Variants in GPC6 observed in about 807,000 individuals in gnomAD.
The protein encoded by GPC6 is glypican-6.
A neutral mutation model predicts 55.2 loss-of-function variants in GPC6; 14 were observed. The ratio of observed to expected loss-of-function variants is 0.25; its 90% confidence interval spans 0.17 to 0.40. The LOEUF (loss-of-function observed/expected upper bound fraction) is 0.40, where lower values mean the gene tolerates loss of function less well. Ranked by LOEUF, GPC6 falls within the 10% of genes least tolerant of loss-of-function variation. The probability of loss-of-function intolerance (pLI) is 1.00; values close to 1 mark genes in which losing one functional copy is unlikely to be tolerated. For synonymous variants in GPC6, 278 were observed against 259.6 expected, an observed-to-expected ratio of 1.07 and a Z score of -0.68; for missense variants, 641 against 708.5, an observed-to-expected ratio of 0.90 and a Z score of 1.08.
At chr13:94,090,526 T>C (rs984628601) in intron 4 of GPC6, among the ~76,000 whole-genome samples, 1 of 152,146 alleles carries the variant, frequency 6.6e-6, no homozygotes, top group African/African-American at 2.4e-5. Flanking sequence ...CCTTCATGCT[T>C]TATAAACTGG....
intron 1 of GPC6, among the ~76,000 whole-genome samples, chr13:93,245,056 C>G (rs981369814): frequency 6.6e-6 from 1 of 152,176 alleles, no homozygotes; most frequent in Non-Finnish European, 1.5e-5. Flanking sequence ...TCCAGTATTT[C>G]TCAACCCTGG....
At chr13:94,066,702 G>C (rs1239957455) in intron 4 of GPC6, among the ~76,000 whole-genome samples, 1 of 152,176 alleles carries the variant, frequency 6.6e-6, no homozygotes, top group Non-Finnish European at 1.5e-5. Context: ...AGTTTTGAGT[G>C]TCTCTCCTAT....
intron 2 of GPC6, among the ~76,000 whole-genome samples, chr13:93,642,930 T>C (rs1324497674): frequency 1.3e-5 from 2 of 152,104 alleles, no homozygotes; most frequent in African/African-American, 2.4e-5. Context: ...AATATTTACT[T>C]GCCAAGTAAA....
At chr13:94,288,074 G>A (rs1403316164) in intron 5 of GPC6, among the ~76,000 whole-genome samples, 1 of 151,950 alleles carries the variant, frequency 6.6e-6, no homozygotes, top group East Asian at 1.9e-4. Flanking sequence ...CTTTGTACTG[G>A]GGACAGGAGT....
At chr13:94,116,207 G>A (rs1390702137) in intron 4 of GPC6, among the ~76,000 whole-genome samples, 1 of 152,048 alleles carries the variant, frequency 6.6e-6, no homozygotes, top group Admixed American at 6.6e-5. Context: ...GGAACTTCAT[G>A]TATCTTAACT....
chr13:93,909,766 A>G (rs74109117), intron 3 of GPC6, among the ~76,000 whole-genome samples: 7,116 of 152,208 alleles, frequency 0.047, 501 homozygotes, highest in African/African-American at 0.15. Flanking sequence ...TTTGAGAAGC[A>G]ATTATAAAGT....
At chr13:93,972,544 A>C (rs567148195) in intron 3 of GPC6, among the ~76,000 whole-genome samples, 1 of 152,238 alleles carries the variant, frequency 6.6e-6, no homozygotes, top group East Asian at 1.9e-4. Context: ...CTCTGTTGGA[A>C]TCTGCAAGTC....
intron 2 of GPC6, among the ~76,000 whole-genome samples, chr13:93,587,346 T>C (rs1877252508): frequency 1.3e-5 from 2 of 152,202 alleles, no homozygotes; most frequent in Non-Finnish European, 2.9e-5. Flanking sequence ...TATAAGCATG[T>C]TACCCGCTAT....
At chr13:93,737,612 T>C (rs1884049984) in intron 2 of GPC6, among the ~76,000 whole-genome samples, 2 of 152,184 alleles carry the variant, frequency 1.3e-5, no homozygotes, top group Admixed American at 1.3e-4. Context: ...GGGAAAGCTT[T>C]TTTTACAATA....
At chr13:93,855,134 C>G (rs1888555061) in intron 3 of GPC6, among the ~76,000 whole-genome samples, 2 of 151,628 alleles carry the variant, frequency 1.3e-5, no homozygotes, top group Admixed American at 6.6e-5. Context: ...TTTACAGTAT[C>G]CTACAGAATA....
At chr13:93,568,357 A>C (rs1281680721) in intron 2 of GPC6, among the ~76,000 whole-genome samples, 2 of 152,064 alleles carry the variant, frequency 1.3e-5, no homozygotes, top group Non-Finnish European at 2.9e-5. Context: ...GTCCCACAAA[A>C]CTTTTGATTT....
At chr13:93,463,116 T>C (rs1206776479) in intron 1 of GPC6, among the ~76,000 whole-genome samples, 1 of 152,168 alleles carries the variant, frequency 6.6e-6, no homozygotes, top group Admixed American at 6.5e-5. Context: ...TTATGTTGTG[T>C]AAATCCCTCC....
intron 1 of GPC6, among the ~76,000 whole-genome samples, chr13:93,276,495 AGTGTGTGTGTGTGTGT>A (rs71675979): frequency 1.1e-5 from 1 of 94,400 alleles, no homozygotes; most frequent in Non-Finnish European, 2.1e-5. Flanking sequence ...AGAGAGAGAG[AGTGTGTGTGTGTGTGT>A]GTGTGTGTGT....
At chr13:93,289,748 A>C (rs1878258569) in intron 1 of GPC6, among the ~76,000 whole-genome samples, 1 of 152,160 alleles carries the variant, frequency 6.6e-6, no homozygotes, top group Non-Finnish European at 1.5e-5. Context: ...TGTGAATTCC[A>C]ATTTATATAA....
At chr13:93,436,713 C>A (rs1877585032) in intron 1 of GPC6, among the ~76,000 whole-genome samples, 1 of 152,064 alleles carries the variant, frequency 6.6e-6, no homozygotes, top group Non-Finnish European at 1.5e-5. Context: ...GGCTTGCTGC[C>A]CACTAATATG....
intron 2 of GPC6, among the ~76,000 whole-genome samples, chr13:93,565,750 C>A (rs1382313890): frequency 6.6e-6 from 1 of 151,862 alleles, no homozygotes; most frequent in Admixed American, 6.6e-5. Context: ...AGTGAAACCC[C>A]ATCTCTACTA....
At chr13:94,399,262 A>C (rs1240384383) in intron 8 of GPC6, among the ~76,000 whole-genome samples, 1 of 152,184 alleles carries the variant, frequency 6.6e-6, no homozygotes, top group East Asian at 1.9e-4. Context: ...ACCCATAGAC[A>C]TTTATATCTG....
chr13:93,546,133 G>C (rs551526268), intron 2 of GPC6, among the ~76,000 whole-genome samples: 1 of 152,276 alleles, frequency 6.6e-6, no homozygotes, highest in Admixed American at 6.5e-5. Context: ...AGTATTTTTA[G>C]AAGGTGTGTT....
At chr13:93,683,660 A>G (rs958458691) in intron 2 of GPC6, among the ~76,000 whole-genome samples, 10 of 152,066 alleles carry the variant, frequency 6.6e-5, no homozygotes, top group African/African-American at 1.9e-4. Context: ...TGTGTGTTTT[A>G]TTTACTCAGT....
Sources: gnomAD v4.1 joint callset for allele counts (sites outside exome capture counted in the v4.1 genomes callset) on GRCh38, gnomAD v4.1.1 for gene constraint, MANE v1.5 for transcripts, NCBI Gene and HGNC (gene_info 2026-07-23, HGNC 2026-07-21) for gene names.